The following POU6F2 variants were observed in gnomAD, a reference collection of about 807,000 sequenced individuals.
POU6F2 encodes the protein POU domain, class 6, transcription factor 2.
Under a neutral mutation model 71.3 loss-of-function variants are expected in POU6F2, and 31 were observed. The ratio of observed to expected loss-of-function variants is 0.43; its 90% confidence interval spans 0.33 to 0.59. The LOEUF is 0.59. Ranked by LOEUF, POU6F2 falls within the 20% of genes least tolerant of loss-of-function variation. The pLI, the probability that POU6F2 is intolerant of heterozygous loss-of-function variation, is 0.04. For synonymous variants in POU6F2, 347 were observed against 355.7 expected (o/e 0.98, Z 0.27); for missense variants, 783 against 856.8 (o/e 0.91, Z 1.07).
chr7:39,104,553 G>A (rs1791637518), intron 2 of POU6F2, among the ~76,000 whole-genome samples: 1 of 152,204 alleles, frequency 6.6e-6, no homozygotes, highest in African/African-American at 2.4e-5. Flanking sequence ...AGAGACAGGG[G>A]AGGGGGAAGG....
chr7:39,289,964 C>T (rs990014870), intron 4 of POU6F2, among the ~76,000 whole-genome samples: 1 of 152,020 alleles, frequency 6.6e-6, no homozygotes, highest in Non-Finnish European at 1.5e-5. Flanking sequence ...GTTCTCACCA[C>T]CCAGTGACAT....
chr7:39,137,108 T>C (rs1236591728), intron 2 of POU6F2, among the ~76,000 whole-genome samples: 1 of 151,996 alleles, frequency 6.6e-6, no homozygotes, highest in Non-Finnish European at 1.5e-5. Context: ...AACTATAATT[T>C]ATTGTATATT....
At chr7:39,265,537 C>A (rs1784222745) in intron 4 of POU6F2, among the ~76,000 whole-genome samples, 2 of 152,258 alleles carry the variant, frequency 1.3e-5, no homozygotes, top group South Asian at 4.1e-4. Flanking sequence ...AATAAGTTAT[C>A]CATAGTTTTA....
chr7:39,454,220 C>T (rs1288438262), intron 8 of POU6F2, among the ~76,000 whole-genome samples: 1 of 152,128 alleles, frequency 6.6e-6, no homozygotes, highest in Non-Finnish European at 1.5e-5. Flanking sequence ...GTTTCTGTCC[C>T]TGTAGAGTTG....
intron 7 of POU6F2, among the ~76,000 whole-genome samples, chr7:39,442,383 G>A (rs1050614890): frequency 2.6e-5 from 4 of 152,206 alleles, no homozygotes; most frequent in African/African-American, 4.8e-5. Flanking sequence ...TTCACCCAGC[G>A]AGGGAGCCAA....
intron 4 of POU6F2, among the ~76,000 whole-genome samples, chr7:39,247,029 A>T (rs1035820787): frequency 6.7e-6 from 1 of 149,034 alleles, no homozygotes; most frequent in Non-Finnish European, 1.5e-5. Flanking sequence ...GCCTGTAACC[A>T]CTCTGACTGA....
intron 2 of POU6F2, among the ~76,000 whole-genome samples, chr7:39,155,503 A>G (rs1217504436): frequency 6.6e-6 from 1 of 152,196 alleles, no homozygotes. Flanking sequence ...GAGGAGTATA[A>G]TTCCCATTTA....
chr7:39,037,589 C>T (rs1790093983), intron 1 of POU6F2, among the ~76,000 whole-genome samples: 1 of 151,926 alleles, frequency 6.6e-6, no homozygotes, highest in African/African-American at 2.4e-5. Context: ...TTTGCTTTCT[C>T]CTTTGTGTCT....
chr7:39,153,082 T>C (rs1217834675), intron 2 of POU6F2, among the ~76,000 whole-genome samples: 1 of 152,188 alleles, frequency 6.6e-6, no homozygotes, highest in Non-Finnish European at 1.5e-5. Flanking sequence ...TATCTGCTTT[T>C]AGCCTATAAG....
intron 4 of POU6F2, among the ~76,000 whole-genome samples, chr7:39,210,067 A>G (rs935764661): frequency 2.0e-5 from 3 of 152,214 alleles, no homozygotes; most frequent in Admixed American, 6.5e-5. Flanking sequence ...TGTACAATAA[A>G]TACAGTATTT....
chr7:39,114,252 A>G (rs1291689871), intron 2 of POU6F2, among the ~76,000 whole-genome samples: 2 of 152,206 alleles, frequency 1.3e-5, no homozygotes, highest in African/African-American at 2.4e-5. Context: ...AGTCATGATC[A>G]TCACTTTTCA....
chr7:39,130,485 A>C (rs1003670603), intron 2 of POU6F2, among the ~76,000 whole-genome samples: 7 of 152,212 alleles, frequency 4.6e-5, no homozygotes, highest in Non-Finnish European at 1.0e-4. Flanking sequence ...AGCACAAGCA[A>C]CCTGCTGAGC....
At chr7:39,295,139 C>G (rs1784823289) in intron 4 of POU6F2, among the ~76,000 whole-genome samples, 1 of 150,630 alleles carries the variant, frequency 6.6e-6, no homozygotes, top group South Asian at 2.1e-4. Context: ...GTTTTAAATG[C>G]TTGCTTGCTT....
chr7:39,331,803 G>T (rs983590988), intron 4 of POU6F2, among the ~76,000 whole-genome samples: 1 of 152,204 alleles, frequency 6.6e-6, no homozygotes, highest in African/African-American at 2.4e-5. Context: ...GAGCCACCGC[G>T]CCCGGCCTCG....
chr7:39,401,205 A>G (rs1384902448), intron 5 of POU6F2, among the ~76,000 whole-genome samples: 3 of 152,312 alleles, frequency 2.0e-5, no homozygotes, highest in East Asian at 1.9e-4. Flanking sequence ...CCTCAGAGGC[A>G]TCTCTCAATC....
chr7:39,261,084 C>T (rs1489192905), intron 4 of POU6F2, among the ~76,000 whole-genome samples: 2 of 151,616 alleles, frequency 1.3e-5, no homozygotes, highest in Admixed American at 6.6e-5. Flanking sequence ...CACACACACA[C>T]ACACACACCC....
chr7:39,005,175 G>A (rs1028964681), intron 1 of POU6F2: 2 of 152,250 alleles, frequency 1.3e-5, no homozygotes, highest in African/African-American at 4.8e-5. Context: ...CACAACCCTC[G>A]CCAGTGCGCC....
chr7:39,130,232 A>G (rs1003219806), intron 2 of POU6F2, among the ~76,000 whole-genome samples: 1 of 151,974 alleles, frequency 6.6e-6, no homozygotes, highest in African/African-American at 2.4e-5. Context: ...AGGAAAAATT[A>G]TATTTAATAT....
At chr7:39,055,922 C>A (rs181890030) in intron 1 of POU6F2, among the ~76,000 whole-genome samples, 1 of 151,634 alleles carries the variant, frequency 6.6e-6, no homozygotes, top group Admixed American at 6.6e-5. Flanking sequence ...TTAAAGCATA[C>A]TTTATTATTT....
Sources: allele counts gnomAD v4.1 joint callset (sites outside exome capture counted in the v4.1 genomes callset), GRCh38; gene constraint gnomAD v4.1.1; transcripts MANE v1.5; gene names NCBI Gene and HGNC (gene_info 2026-07-23, HGNC 2026-07-21).